ZFYVE1: variants seen among roughly 807,000 people sequenced by gnomAD.
ZFYVE1 encodes zinc finger FYVE domain-containing protein 1.
ZFYVE1 carries 30 observed loss-of-function variants against 74.4 expected under a neutral mutation model. The observed-to-expected ratio is 0.40, with a 90% CI of 0.30 to 0.55. The LOEUF (loss-of-function observed/expected upper bound fraction) is 0.55. Ranked by LOEUF, ZFYVE1 falls within the 20% of genes least tolerant of loss-of-function variation. The pLI is 0.42. For synonymous variants in ZFYVE1, 335 were observed against 385.1 expected (o/e 0.87, Z 1.52); for missense variants, 703 against 1,011.6 (o/e 0.69, Z 4.14).
intron 2 of ZFYVE1, among the ~76,000 whole-genome samples, chr14:73,015,196 A>C (rs112964454): frequency 1.4e-5 from 2 of 141,666 alleles, no homozygotes; most frequent in African/African-American, 5.3e-5. Context: ...GTGCCACTGC[A>C]CTCCAGCTGG....
chr14:72,982,770 C>T (rs1893369252), intron 4 of ZFYVE1, among the ~76,000 whole-genome samples: 1 of 152,060 alleles, frequency 6.6e-6, no homozygotes, highest in African/African-American at 2.4e-5. Context: ...TACTTCCTTC[C>T]ATAAACGGGC....
chr14:72,978,847 C>T lies in ZFYVE1; in HGVS notation c.1419+14G>A, dbSNP rs1410406054. On this transcript the variant is annotated intron_variant, in intron 6 of 11. Transcript: ENST00000556143. ...AGCCCGCTGCTGACACAGGGAGGAG[C>T]TCGGAGGACTCACCTTGCAGGTATA... The T allele has an allele frequency of 3.5e-5, 57 of 1,612,024 alleles. No homozygotes were observed. The highest frequency in any genetic ancestry group is 4.8e-5 in the Non-Finnish European group (57 of 1,178,316).
At chr14:72,972,066 A>G (rs1053450051) in intron 11 of ZFYVE1, among the ~76,000 whole-genome samples, 1 of 152,172 alleles carries the variant, frequency 6.6e-6, no homozygotes, top group African/African-American at 2.4e-5. Flanking sequence ...TACTAAAAAT[A>G]CAAAAATTAG....
rs1030246476 is a variant in ZFYVE1, at chr14:73,024,697, C to T, written c.-189G>A. On this transcript the variant is annotated 5_prime_UTR_variant, in exon 2 of 12. Transcript: ENST00000556143. ...AATGTTCAAATTTTTAATTTGCTGC[C>T]TCTAAGACTCTTGTATTAGCAGCAA... The T allele has an allele frequency of 1.3e-6, 1 of 796,700 alleles. No homozygotes were observed. The highest frequency in any genetic ancestry group is 1.7e-5 in the African/African-American group (1 of 57,552). 49.4% of individuals were successfully genotyped at this position (796,700 alleles called of 1,614,324 possible).
In ZFYVE1 at chr14:73,023,323, ATATATAT is replaced by A. The variant is rs58444906; in HGVS notation, c.483+696_483+702del. Among the ~76,000 whole-genome samples, 25 of 92,468 alleles carry A rather than the reference ATATATAT, an allele frequency of 2.7e-4. 1 individual carries two copies. The highest frequency in any genetic ancestry group is 1.0e-3 in the East Asian group (3 of 2,904). 60.7% of individuals were successfully genotyped at this position (92,468 alleles called of 152,430 possible). On this transcript the variant is annotated intron_variant, in intron 2 of 11. Transcript: ENST00000556143. The stretch of plus-strand genomic sequence containing the variant: ...ATATATTATATATGTTTTATATATA[ATATATAT>A]TATATATGTTTTATATATAATATAT...
intron 2 of ZFYVE1, among the ~76,000 whole-genome samples, chr14:73,007,714 T>G (rs1040511391): frequency 6.6e-6 from 1 of 152,178 alleles, no homozygotes; most frequent in Admixed American, 6.5e-5. Context: ...ACCTAAACTA[T>G]GTCAAACAGA....
chr14:72,985,933 G>A (rs141200090), intron 4 of ZFYVE1, among the ~76,000 whole-genome samples: 5 of 152,214 alleles, frequency 3.3e-5, no homozygotes, highest in East Asian at 1.9e-4. Flanking sequence ...ATTTTTAGCC[G>A]CAGAGTTTTT....
At chr14:73,017,331 T>G (rs189250045) in intron 2 of ZFYVE1, among the ~76,000 whole-genome samples, 38 of 152,310 alleles carry the variant, frequency 2.5e-4, no homozygotes, top group Non-Finnish European at 4.0e-4. Flanking sequence ...CCTGTGGTTT[T>G]AAGTAGCACC....
At chr14:72,972,164 A>G (rs1893051198) in intron 11 of ZFYVE1, among the ~76,000 whole-genome samples, 1 of 152,184 alleles carries the variant, frequency 6.6e-6, no homozygotes, top group African/African-American at 2.4e-5. Context: ...CAGTAAGCCA[A>G]GATCACACCA....
At chr14:72,994,529 CAT>C (rs1435175239) in intron 3 of ZFYVE1, among the ~76,000 whole-genome samples, 7 of 151,948 alleles carry the variant, frequency 4.6e-5, no homozygotes, top group African/African-American at 1.5e-4. Flanking sequence ...AAACTCATCA[CAT>C]GATACCTTGA....
chr14:72,981,132 A>G (rs12887074), intron 5 of ZFYVE1, among the ~76,000 whole-genome samples: 75,300 of 151,970 alleles, frequency 0.5, 19,227 homozygotes, highest in African/African-American at 0.6. Flanking sequence ...TGATGCATAC[A>G]CAATTGAAGT....
rs1893008858 is a variant in ZFYVE1 at position 72,970,698 on chromosome 14, C to A, written c.*184G>T. 1 of 643,662 alleles carries A rather than the reference C, an allele frequency of 1.6e-6. No individual in the cohort carries two copies. Among genetic ancestry groups the A allele is most frequent in the South Asian group, 2.0e-5 (1 of 50,938 alleles). 39.9% of individuals were successfully genotyped at this position (643,662 alleles called of 1,614,324 possible). On this transcript the variant is annotated 3_prime_UTR_variant, in exon 12 of 12. Coordinates refer to ENST00000556143, the MANE Select transcript of ZFYVE1 (RefSeq NM_021260.4). ...TGCGATAAGTTGCAAGGTCCCCTGC[C>A]CTGAGGGGTCCACACCTTCGGGCCT...
intron 1 of ZFYVE1, among the ~76,000 whole-genome samples, chr14:73,026,245 C>T (rs373506154): frequency 1.3e-5 from 2 of 151,434 alleles, no homozygotes; most frequent in East Asian, 1.9e-4. Flanking sequence ...CACTTAAAAA[C>T]TAACTTAAAA....
intron 3 of ZFYVE1, among the ~76,000 whole-genome samples, chr14:72,997,282 A>G (rs1434706258): frequency 6.6e-6 from 1 of 152,202 alleles, no homozygotes; most frequent in Admixed American, 6.5e-5. Context: ...GAAATCCCAC[A>G]TCAGCCTCCA....
chr14:72,986,381 G>A (rs1046152631), intron 4 of ZFYVE1, among the ~76,000 whole-genome samples: 4 of 151,432 alleles, frequency 2.6e-5, no homozygotes, highest in Admixed American at 6.6e-5. Flanking sequence ...CATCTCACTC[G>A]TTCACAAGTC....
chr14:73,013,804 A>C (rs972348635), intron 2 of ZFYVE1, among the ~76,000 whole-genome samples: 1 of 151,898 alleles, frequency 6.6e-6, no homozygotes, highest in Non-Finnish European at 1.5e-5. Flanking sequence ...TTTCCCATCA[A>C]GCAAATGTGT....
chr14:73,014,185 A>T (rs148393748), intron 2 of ZFYVE1, among the ~76,000 whole-genome samples: 156 of 152,302 alleles, frequency 1.0e-3, no homozygotes, highest in African/African-American at 1.4e-3. Context: ...AGTGGTTTCG[A>T]TGGCTTACAT....
chr14:72,984,227 T>C (rs905491681), intron 4 of ZFYVE1, among the ~76,000 whole-genome samples: 1 of 152,104 alleles, frequency 6.6e-6, no homozygotes, highest in Non-Finnish European at 1.5e-5. Context: ...TGGGGGTACT[T>C]TGATAAAGAG....
At position 72,975,540 on chromosome 14, in the gene ZFYVE1, G is replaced by A; in HGVS notation, c.1806+11C>T. On this transcript the variant is annotated intron_variant, in intron 9 of 11. Coordinates refer to ENST00000556143, the MANE Select transcript of ZFYVE1 (RefSeq NM_021260.4). This position sits in a 1 kb window ranked among gnomAD's most constrained non-coding sequence, Gnocchi z 4.1. ...GTGCCAGGAGTGGAGGGGCATCCTG[G>A]CACACCATACCAGAATCTGGGAGTT... The A allele has an allele frequency of 6.2e-7, 1 of 1,607,350 alleles. No individual in the cohort carries two copies. The highest frequency in any genetic ancestry group is 8.5e-7 in the Non-Finnish European group (1 of 1,176,560).
Sources: gnomAD v4.1 joint callset for allele counts (sites outside exome capture counted in the v4.1 genomes callset) on GRCh38, gnomAD v4.1.1 for gene constraint, Gnocchi (gnomAD v3.1) non-coding constraint, MANE v1.5 for transcripts, NCBI Gene and HGNC (gene_info 2026-07-23, HGNC 2026-07-21) for gene names.